The following SYNPR variants were observed in gnomAD, a reference collection of about 807,000 sequenced individuals.
SYNPR encodes the protein synaptoporin.
A neutral mutation model predicts 32.9 loss-of-function variants in SYNPR; 23 were observed. The ratio of observed to expected loss-of-function variants is 0.70; its 90% CI spans 0.50 to 0.99. The LOEUF (loss-of-function observed/expected upper bound fraction) is 0.99, where lower values mean the gene tolerates loss of function less well. Ranked by LOEUF, SYNPR falls within the 50% of genes least tolerant of loss-of-function variation. The pLI, the probability that SYNPR is intolerant of heterozygous loss-of-function variation, is 0.00. For synonymous variants in SYNPR, 146 were observed against 135.9 expected (o/e 1.07, Z -0.52); for missense variants, 318 against 349.3 (o/e 0.91, Z 0.71).
chr3:63,452,689 G>A lies in SYNPR; in HGVS notation c.85-28143G>A, dbSNP rs186275735. 1.0e-3 allele frequency among the ~76,000 whole-genome samples: 156 copies of A among 152,150 alleles called. 2 individuals are homozygous for A. Among genetic ancestry groups the A allele is most frequent in the Middle Eastern group, 3.4e-3 (1 of 294 alleles). On this transcript the variant is annotated intron_variant, in intron 2 of 5. Transcript: ENST00000478300. ...ATTTTAAGAATGGGGAAAATGAGAC[G>A]TAGAGAGCCTGAGCCACTAGTCCAA...
Position 63,294,633 on chromosome 3 carries a change from G to A in SYNPR, c.84+15891G>A, listed in dbSNP as rs117832794. Among the ~76,000 whole-genome samples, 275 of 152,198 alleles carry A rather than the reference G, an allele frequency of 1.8e-3. 4 individuals are homozygous for A. The East Asian group carries it at 0.029, about 16-fold the overall frequency. ...TTCTTTGACTTGGGCAGAGAGGCAA[G>A]TACTGAGGCTTTCTTTCTCTGAATT... On this transcript the variant is annotated intron_variant, in intron 2 of 5. Coordinates refer to ENST00000478300, the MANE Select transcript of SYNPR (RefSeq NM_001130003.2).
intron 2 of SYNPR, among the ~76,000 whole-genome samples, chr3:63,396,046 G>A (rs1179389706): frequency 7.2e-5 from 11 of 152,118 alleles, no homozygotes; most frequent in Middle Eastern, 3.2e-3. Flanking sequence ...TAACCACACA[G>A]GCACAACCAA....
intron 3 of SYNPR, among the ~76,000 whole-genome samples, chr3:63,529,500 A>G (rs1250522775): frequency 2.6e-5 from 4 of 152,144 alleles, no homozygotes; most frequent in Non-Finnish European, 5.9e-5. Flanking sequence ...GAAATCACAG[A>G]GATTCTGTGG....
chr3:63,427,226 C>CT (rs761088258), intron 2 of SYNPR, among the ~76,000 whole-genome samples: 7,539 of 140,880 alleles, frequency 0.054, 513 homozygotes, highest in African/African-American at 0.16. Flanking sequence ...TTATTTACTG[C>CT]TTTTTTTTTT....
chr3:63,507,296 G>C (rs570779188), intron 3 of SYNPR, among the ~76,000 whole-genome samples: 1 of 152,030 alleles, frequency 6.6e-6, no homozygotes, highest in South Asian at 2.1e-4. Context: ...AAAATAATAT[G>C]TAATTGGTAT....
At chr3:63,373,084 C>G (rs1575614428) in intron 2 of SYNPR, among the ~76,000 whole-genome samples, 2 of 152,054 alleles carry the variant, frequency 1.3e-5, no homozygotes, top group East Asian at 3.9e-4. Flanking sequence ...ACTGGCTACT[C>G]AAATTACACC....
intron 2 of SYNPR, among the ~76,000 whole-genome samples, chr3:63,263,309 A>C (rs2086454702): frequency 1.3e-5 from 2 of 152,150 alleles, no homozygotes; most frequent in African/African-American, 2.4e-5. Flanking sequence ...GATCTCAAAG[A>C]TTCTTTAGCC....
chr3:63,588,644 T>C (rs961737390), intron 4 of SYNPR, among the ~76,000 whole-genome samples: 2 of 152,130 alleles, frequency 1.3e-5, no homozygotes, highest in Non-Finnish European at 2.9e-5. Context: ...TTCCCAGTTA[T>C]GTCAAAACCA....
At chr3:63,405,664 G>A (rs1288464676) in intron 2 of SYNPR, among the ~76,000 whole-genome samples, 1 of 152,160 alleles carries the variant, frequency 6.6e-6, no homozygotes, top group African/African-American at 2.4e-5. Flanking sequence ...CCTTCAGGCT[G>A]CCATGTGGAC....
the SYNPR span, among the ~76,000 whole-genome samples, chr3:63,209,558 C>T: frequency 5.9e-5 from 9 of 152,146 alleles, no homozygotes; most frequent in South Asian, 2.1e-4. Context: ...AGTTAATCCT[C>T]ATGATTAGGG....
At chr3:63,520,545 C>T (rs1350931005) in intron 3 of SYNPR, among the ~76,000 whole-genome samples, 4 of 152,172 alleles carry the variant, frequency 2.6e-5, no homozygotes, top group South Asian at 2.1e-4. Flanking sequence ...TGATGGCACG[C>T]GCCTGTAATC....
chr3:63,414,971 C>T (rs1457162759), intron 2 of SYNPR, among the ~76,000 whole-genome samples: 1 of 152,212 alleles, frequency 6.6e-6, no homozygotes, highest in African/African-American at 2.4e-5. Context: ...CAGGCTTTTA[C>T]TGGCTCACCA....
intron 2 of SYNPR, among the ~76,000 whole-genome samples, chr3:63,450,793 T>C (rs4688398): frequency 0.47 from 71,119 of 152,022 alleles, 17,113 homozygotes; most frequent in East Asian, 0.68. Flanking sequence ...TGCAGGGCTT[T>C]GCCAGGAGAT....
intron 3 of SYNPR, among the ~76,000 whole-genome samples, chr3:63,547,078 A>G (rs898781098): frequency 6.6e-6 from 1 of 152,134 alleles, no homozygotes; most frequent in African/African-American, 2.4e-5. Flanking sequence ...GCATCACTGG[A>G]ATCCCTGAGG....
intron 3 of SYNPR, among the ~76,000 whole-genome samples, chr3:63,497,712 C>G (rs191542057): frequency 7.2e-5 from 11 of 152,102 alleles, no homozygotes; most frequent in African/African-American, 2.6e-4. Flanking sequence ...CTTAGTGTTT[C>G]CTTTATACAG....
chr3:63,374,056 T>C (rs2087852640), intron 2 of SYNPR, among the ~76,000 whole-genome samples: 1 of 152,210 alleles, frequency 6.6e-6, no homozygotes, highest in Non-Finnish European at 1.5e-5. Context: ...CCACTGGACC[T>C]ACCTTACAAG....
intron 2 of SYNPR, among the ~76,000 whole-genome samples, chr3:63,414,796 A>G (rs901519684): frequency 1.2e-4 from 19 of 152,334 alleles, no homozygotes; most frequent in African/African-American, 4.6e-4. Context: ...TCATTTGCAC[A>G]TATAATGAAG....
chr3:63,291,459 T>G (rs2086737575), intron 2 of SYNPR, among the ~76,000 whole-genome samples: 1 of 152,150 alleles, frequency 6.6e-6, no homozygotes, highest in Admixed American at 6.5e-5. Context: ...TGGGAAATCT[T>G]TCCCATATGA....
intron 2 of SYNPR, among the ~76,000 whole-genome samples, chr3:63,444,579 G>A (rs937242044): frequency 2.6e-5 from 4 of 152,132 alleles, no homozygotes; most frequent in African/African-American, 4.8e-5. Context: ...GATTTCGAGA[G>A]TAAAGTTGGG....
Sources: gnomAD v4.1 joint callset for allele counts (sites outside exome capture counted in the v4.1 genomes callset) on GRCh38, gnomAD v4.1.1 for gene constraint, MANE v1.5 for transcripts, NCBI Gene and HGNC (gene_info 2026-07-23, HGNC 2026-07-21) for gene names.